CRYL1: variants seen among roughly 807,000 people sequenced by gnomAD.
CRYL1 encodes lambda-crystallin homolog.
In CRYL1, 29 loss-of-function variants were observed where a neutral mutation model predicts 36.6. The observed-to-expected ratio is 0.79, with a 90% CI of 0.59 to 1.08. The LOEUF (loss-of-function observed/expected upper bound fraction) is 1.08. Ranked by LOEUF, CRYL1 falls within the 50% of genes least tolerant of loss-of-function variation. The pLI, the probability that CRYL1 is intolerant of heterozygous loss-of-function variation, is 0.00. For missense variants in CRYL1, 411 were observed against 407.9 expected, an observed-to-expected ratio of 1.01 and a Z score of -0.06; for synonymous variants, 152 against 151.5, an observed-to-expected ratio of 1.00 and a Z score of -0.02.
At chr13:20,429,945 G>C (rs1593438250) in intron 5 of CRYL1, among the ~76,000 whole-genome samples, 1 of 152,138 alleles carries the variant, frequency 6.6e-6, no homozygotes, top group East Asian at 1.9e-4. Context: ...GCCAACGGAG[G>C]TGCTGCCACT....
At chr13:20,406,397 A>C (rs1417125694) in intron 6 of CRYL1, among the ~76,000 whole-genome samples, 1 of 152,204 alleles carries the variant, frequency 6.6e-6, no homozygotes, top group Non-Finnish European at 1.5e-5. Flanking sequence ...AATTTCCCCC[A>C]AAATGGTTTT....
At chr13:20,523,742 A>G (rs957155487) in intron 1 of CRYL1, among the ~76,000 whole-genome samples, 2 of 152,032 alleles carry the variant, frequency 1.3e-5, no homozygotes, top group African/African-American at 2.4e-5. Flanking sequence ...TTCACACCAG[A>G]AAACAAAGAA....
chr13:20,517,023 G>C (rs1338945378), intron 1 of CRYL1, among the ~76,000 whole-genome samples: 1 of 152,094 alleles, frequency 6.6e-6, no homozygotes, highest in Admixed American at 6.5e-5. Context: ...GCAGTATGCA[G>C]TGAGCTACAA....
chr13:20,487,633 G>C (rs2033426584), intron 3 of CRYL1, among the ~76,000 whole-genome samples: 1 of 152,000 alleles, frequency 6.6e-6, no homozygotes, highest in Admixed American at 6.6e-5. Flanking sequence ...TAAACTCACG[G>C]CTGGGAACAG....
At chr13:20,427,110 T>G in intron 5 of CRYL1, 1 of 985,490 alleles carries the variant, frequency 1.0e-6, no homozygotes, top group Non-Finnish European at 1.2e-6. Context: ...CAAAAGTCTA[T>G]TGTCACAACA....
At chr13:20,432,812 G>C (rs1282548095) in intron 4 of CRYL1, among the ~76,000 whole-genome samples, 1 of 152,156 alleles carries the variant, frequency 6.6e-6, no homozygotes, top group Non-Finnish European at 1.5e-5. Flanking sequence ...GAGCCCAGGA[G>C]TTCAAGACCA....
intron 5 of CRYL1, chr13:20,430,680 G>A: frequency 1.0e-6 from 1 of 985,322 alleles, no homozygotes; most frequent in South Asian, 4.7e-5. Context: ...TCCTTGAGTG[G>A]GCTCACACCT....
At chr13:20,494,345 T>C (rs1444337958) in intron 2 of CRYL1, among the ~76,000 whole-genome samples, 1 of 152,208 alleles carries the variant, frequency 6.6e-6, no homozygotes, top group Non-Finnish European at 1.5e-5. Context: ...AAATTTTAAA[T>C]GTAGAAAGAA....
intron 3 of CRYL1, 24 bp from the exon 4 acceptor site, chr13:20,439,778 C>T (rs1197180777): frequency 1.2e-6 from 2 of 1,608,954 alleles, no homozygotes; most frequent in South Asian, 2.2e-5. Flanking sequence ...GTTTAAATGA[C>T]TATTCATGAC....
At chr13:20,431,831 G>A in intron 5 of CRYL1, 2 of 1,389,324 alleles carry the variant, frequency 1.4e-6, no homozygotes, top group Non-Finnish European at 1.9e-6. Flanking sequence ...GCTATGAAAG[G>A]GCAGGAAGGA....
Position 20,432,192 on chromosome 13 carries a change from C to T in CRYL1, c.543G>A (p.Gln181=), listed in dbSNP as rs746226911. Reference sequence around the variant, plus strand: ...CCTCCTTCTGGACTCGCATGGGGCACTGTCCAATCTTCTTCATCAGGGCGT... The same window carrying T: ...CCTCCTTCTGGACTCGCATGGGGCATTGTCCAATCTTCTTCATCAGGGCGT... ...RTHALMKKIG[Q]CPMRVQKEVA... is the part of the protein sequence containing the mutation. Residue 181 remains glutamine (Q), a synonymous_variant, in exon 5 of 8, where the codon CAG becomes CAA. Coordinates refer to ENST00000298248, the MANE Select transcript of CRYL1 (RefSeq NM_015974.3). 1.2e-6 allele frequency: 2 copies of T among 1,614,066 alleles called. No homozygotes were observed. The highest frequency in any genetic ancestry group is 1.7e-6 in the Non-Finnish European group (2 of 1,180,012).
intron 2 of CRYL1, among the ~76,000 whole-genome samples, chr13:20,497,824 A>T (rs904631090): frequency 1.3e-5 from 2 of 151,580 alleles, no homozygotes; most frequent in African/African-American, 4.9e-5. Context: ...CTACACACAC[A>T]CCACCATACA....
At chr13:20,461,049 C>T (rs757165664) in intron 3 of CRYL1, among the ~76,000 whole-genome samples, 1 of 151,794 alleles carries the variant, frequency 6.6e-6, no homozygotes, top group Non-Finnish European at 1.5e-5. Context: ...CTTCCACAGC[C>T]AGCTGTAGTT....
At chr13:20,460,348 G>A (rs1441557255) in intron 3 of CRYL1, among the ~76,000 whole-genome samples, 1 of 152,100 alleles carries the variant, frequency 6.6e-6, no homozygotes, top group Non-Finnish European at 1.5e-5. Flanking sequence ...CATAGAAAGC[G>A]ATAGTTTATT....
intron 3 of CRYL1, among the ~76,000 whole-genome samples, chr13:20,475,386 C>T (rs1402640648): frequency 6.6e-6 from 1 of 152,192 alleles, no homozygotes; most frequent in Non-Finnish European, 1.5e-5. Context: ...CAGTCATCAA[C>T]AAATGTTTAT....
chr13:20,510,472 G>T (rs900436739), intron 2 of CRYL1, among the ~76,000 whole-genome samples: 3 of 152,160 alleles, frequency 2.0e-5, no homozygotes, highest in African/African-American at 7.2e-5. Context: ...AGGATCAGTG[G>T]TTGCCAGCGG....
intron 2 of CRYL1, among the ~76,000 whole-genome samples, chr13:20,498,320 C>G (rs1470129242): frequency 1.8e-5 from 2 of 109,800 alleles, no homozygotes; most frequent in African/African-American, 3.3e-5. Flanking sequence ...CATATACACA[C>G]TACACACACA....
chr13:20,405,313 C>T (rs1401785707), intron 6 of CRYL1, among the ~76,000 whole-genome samples: 2 of 152,076 alleles, frequency 1.3e-5, no homozygotes. Flanking sequence ...CCTTGCATGC[C>T]ACCTCTGCTG....
At chr13:20,447,955 G>T (rs1188199192) in intron 3 of CRYL1, among the ~76,000 whole-genome samples, 1 of 152,060 alleles carries the variant, frequency 6.6e-6, no homozygotes, top group African/African-American at 2.4e-5. Flanking sequence ...CAAAAAAGCA[G>T]GAGAAAAACA....
Sources: allele counts gnomAD v4.1 joint callset (sites outside exome capture counted in the v4.1 genomes callset), GRCh38; gene constraint gnomAD v4.1.1; transcripts MANE v1.5; gene names NCBI Gene and HGNC (gene_info 2026-07-23, HGNC 2026-07-21).